The following NR2C2 variants were observed in gnomAD, a reference collection of about 807,000 sequenced individuals.
NR2C2 encodes the protein nuclear receptor subfamily 2 group C member 2, also known as Nuclear hormone receptor TR4.
Under a neutral mutation model 62.9 loss-of-function variants are expected in NR2C2, and 6 were observed. That is an observed-to-expected ratio of 0.10 (90% confidence interval 0.05 to 0.19). The LOEUF is 0.19. Among genes scored for constraint, NR2C2 ranks in the 10% least tolerant of loss-of-function variants. The pLI is 1.00. For missense variants in NR2C2, 479 were observed against 762.7 expected (o/e 0.63, Z 4.38); for synonymous variants, 272 against 273.8 (o/e 0.99, Z 0.07).
At chr3:14,948,927 T>C (rs114112566) in intron 1 of NR2C2, among the ~76,000 whole-genome samples, 9 of 152,280 alleles carry the variant, frequency 5.9e-5, no homozygotes, top group Middle Eastern at 3.4e-3. Context: ...TTTGTGGGGC[T>C]CTACTCAGAA....
chr3:14,957,793 A>G (rs548398042), intron 1 of NR2C2, among the ~76,000 whole-genome samples: 54 of 150,832 alleles, frequency 3.6e-4, no homozygotes, highest in African/African-American at 1.3e-3. Flanking sequence ...TCATTTCCAC[A>G]CTGCAGTCTA....
chr3:14,951,065 T>A lies in NR2C2; in HGVS notation c.-40+3159T>A, dbSNP rs544371212. Among the ~76,000 whole-genome samples, 3 of 152,360 alleles carry A rather than the reference T, an allele frequency of 2.0e-5. No homozygotes were observed. In the East Asian group the frequency reaches 5.8e-4, roughly 29 times the overall value. ...GTGCATGAAAGTTAATAAGTTCATA[T>A]GTGAAGAAATAAATAGCCCAAACAT... On this transcript the variant is annotated intron_variant, in intron 1 of 13. Coordinates refer to ENST00000425241, the MANE Select transcript of NR2C2 (RefSeq NM_001291694.2).
At chr3:15,019,716 A>G (rs746650697) in intron 4 of NR2C2, among the ~76,000 whole-genome samples, 1 of 152,174 alleles carries the variant, frequency 6.6e-6, no homozygotes, top group Non-Finnish European at 1.5e-5. Context: ...AATTGATATC[A>G]TAGAAACAGA....
intron 1 of NR2C2, among the ~76,000 whole-genome samples, chr3:14,979,111 A>T (rs2040289241): frequency 6.6e-6 from 1 of 152,202 alleles, no homozygotes; most frequent in South Asian, 2.1e-4. Context: ...AAAGTATGTC[A>T]GCATCTGTGA....
At chr3:15,001,668 G>T (rs1449028221) in intron 1 of NR2C2, among the ~76,000 whole-genome samples, 1 of 151,908 alleles carries the variant, frequency 6.6e-6, no homozygotes. Context: ...TGCCCAGGCT[G>T]TGTAGTGACA....
intron 1 of NR2C2, among the ~76,000 whole-genome samples, chr3:14,961,925 G>A (rs138532344): frequency 6.6e-6 from 1 of 152,322 alleles, no homozygotes; most frequent in Non-Finnish European, 1.5e-5. Context: ...CAACCTGTGA[G>A]TGAGGTATGT....
chr3:14,971,031 C>T (rs1305610227), intron 1 of NR2C2, among the ~76,000 whole-genome samples: 1 of 152,204 alleles, frequency 6.6e-6, no homozygotes, highest in Non-Finnish European at 1.5e-5. Context: ...TTTTGTTCAG[C>T]TGTATGCTAG....
At position 15,019,982 on chromosome 3, in the gene NR2C2, G is replaced by A. The variant is rs185378358; in HGVS notation, c.377-771G>A. ...CTATCTGATTTGATCATTATACAAC[G>A]TGGATATATTGAAATATCAAATTAT... On this transcript the variant is annotated intron_variant, in intron 4 of 13. Coordinates refer to ENST00000425241, the MANE Select transcript of NR2C2 (RefSeq NM_001291694.2). 2.3e-3 allele frequency among the ~76,000 whole-genome samples: 349 copies of A among 152,278 alleles called. 4 individuals are homozygous for A. Among genetic ancestry groups the A allele is most frequent in the African/African-American group, 7.1e-3 (294 of 41,540 alleles).
intron 1 of NR2C2, among the ~76,000 whole-genome samples, chr3:14,987,626 C>T (rs572983059): frequency 6.6e-6 from 1 of 152,282 alleles, no homozygotes; most frequent in African/African-American, 2.4e-5. Flanking sequence ...TCGTACTTGT[C>T]TTCCTCCATA....
intron 1 of NR2C2, among the ~76,000 whole-genome samples, chr3:14,973,277 A>G (rs1463009349): frequency 2.6e-5 from 4 of 152,080 alleles, no homozygotes; most frequent in Non-Finnish European, 5.9e-5. Flanking sequence ...TCAGGCTGGA[A>G]TGCATTGGCA....
intron 1 of NR2C2, among the ~76,000 whole-genome samples, chr3:14,981,081 T>A (rs908945210): frequency 1.3e-5 from 2 of 152,360 alleles, no homozygotes; most frequent in Non-Finnish European, 2.9e-5. Flanking sequence ...AGAACTAACT[T>A]TGCAACAGAT....
intron 1 of NR2C2, among the ~76,000 whole-genome samples, chr3:14,962,655 CTTTTTTT>C (rs1228029134): frequency 3.2e-5 from 4 of 123,666 alleles, no homozygotes; most frequent in South Asian, 2.7e-4. Context: ...TTATTTGTAA[CTTTTTTT>C]TTTTTTTTTT....
In NR2C2 at chr3:15,046,822, T is replaced by C. The variant is rs1333069368; in HGVS notation, c.*3814T>C. Reference sequence around the variant, plus strand: ...CAGAGCAGATGCCCCACGTGCTTCCTTTATCCAGCTTCCATTCTCTCAGTT... The same window carrying C: ...CAGAGCAGATGCCCCACGTGCTTCCCTTATCCAGCTTCCATTCTCTCAGTT... On this transcript the variant is annotated 3_prime_UTR_variant, in exon 14 of 14. Transcript: ENST00000425241. The C allele has an allele frequency of 6.5e-6, 1 of 152,682 alleles. No homozygotes were observed. Among genetic ancestry groups the C allele is most frequent in the Non-Finnish European group, 1.5e-5 (1 of 68,060 alleles). 9.5% of individuals were successfully genotyped at this position (152,682 alleles called of 1,614,324 possible).
intron 1 of NR2C2, among the ~76,000 whole-genome samples, chr3:14,991,779 T>C (rs2040679271): frequency 1.3e-5 from 2 of 149,710 alleles, no homozygotes; most frequent in Admixed American, 6.6e-5. Context: ...TTTTTTTTTT[T>C]TTTGGAGATA....
intron 1 of NR2C2, among the ~76,000 whole-genome samples, chr3:14,995,128 A>G (rs548393745): frequency 2.0e-5 from 3 of 151,050 alleles, no homozygotes; most frequent in Non-Finnish European, 4.4e-5. Context: ...CCTCCTAAGC[A>G]GCTGAGACCA....
intron 1 of NR2C2, among the ~76,000 whole-genome samples, chr3:14,976,655 G>A (rs1230208666): frequency 1.5e-5 from 2 of 136,472 alleles, no homozygotes; most frequent in Non-Finnish European, 3.1e-5. Flanking sequence ...AGCTTCCTAG[G>A]AAAGGGTGCA....
chr3:15,037,876 T>G, intron 11 of NR2C2, 124 bp from the exon 12 acceptor site: 81 of 1,044,400 alleles, frequency 7.8e-5, no homozygotes, highest in Non-Finnish European at 9.8e-5. Context: ...TTGTTCACCT[T>G]GAGATTACTG....
chr3:15,002,606 A>G (rs1261026126), intron 1 of NR2C2, among the ~76,000 whole-genome samples: 1 of 136,792 alleles, frequency 7.3e-6, no homozygotes, highest in African/African-American at 2.7e-5. Context: ...GTTTTCTTCT[A>G]ATTTTAGGAA....
intron 1 of NR2C2, among the ~76,000 whole-genome samples, chr3:14,991,317 AAGTC>A (rs1448918778): frequency 1.3e-5 from 2 of 152,228 alleles, no homozygotes; most frequent in African/African-American, 4.8e-5. Flanking sequence ...CTGCACATAA[AAGTC>A]AGCAGCCTCC....
Sources: gnomAD v4.1 joint callset for allele counts (sites outside exome capture counted in the v4.1 genomes callset) on GRCh38, gnomAD v4.1.1 for gene constraint, MANE v1.5 for transcripts, NCBI Gene and HGNC (gene_info 2026-07-23, HGNC 2026-07-21) for gene names.